The following CIDEC variants were observed in gnomAD, a reference collection of about 807,000 sequenced individuals.
CIDEC encodes lipid transferase CIDEC.
In CIDEC, 11 loss-of-function variants were observed where a neutral mutation model predicts 21.9. That is an observed-to-expected ratio of 0.50 (90% CI 0.32 to 0.83). CIDEC has a LOEUF of 0.83. CIDEC is among the 40% of genes least tolerant of loss of function. The pLI is 0.04. For synonymous variants in CIDEC, 127 were observed against 124.9 expected (o/e 1.02, Z -0.11); for missense variants, 302 against 302.3 (o/e 1.00, Z 0.01).
At chr3:9,874,742 T>A (rs571020584) in intron 4 of CIDEC, among the ~76,000 whole-genome samples, 11 of 152,024 alleles carry the variant, frequency 7.2e-5, no homozygotes, top group Non-Finnish European at 1.0e-4. Flanking sequence ...CTTTTTAAAA[T>A]TTTTTTTAAA....
chr3:9,870,561 T>G, intron 4 of CIDEC: 1 of 1,229,594 alleles, frequency 8.1e-7, no homozygotes, highest in African/African-American at 1.5e-5. Context: ...AAAGTTACCC[T>G]CTAAAAGTGT....
At position 9,878,561 on chromosome 3, in the gene CIDEC, ATC is replaced by A. The variant is rs546870625; in HGVS notation, c.-25-52_-25-51del. 111 of 1,518,072 alleles carry A rather than the reference ATC, an allele frequency of 7.3e-5. No individual in the cohort carries two copies. The African/African-American group carries it at 1.4e-3, about 19-fold the overall frequency. 94.0% of individuals were successfully genotyped at this position (1,518,072 alleles called of 1,614,324 possible). On this transcript the variant is annotated intron_variant, in intron 2 of 6. Coordinates refer to ENST00000336832, the MANE Select transcript of CIDEC (RefSeq NM_001321142.2). ...ATCAGGGTGAGATGAGAGGGTTCCC[ATC>A]TCTCTCATTGTTAGGCAAGGTGCAA...
intron 4 of CIDEC, among the ~76,000 whole-genome samples, chr3:9,872,817 G>A (rs770302656): frequency 2.0e-5 from 3 of 151,918 alleles, no homozygotes; most frequent in Admixed American, 1.3e-4. Context: ...GTGAAACCCC[G>A]TCTCTACTAA....
At chr3:9,871,154 T>C (rs1382301003) in intron 4 of CIDEC, among the ~76,000 whole-genome samples, 1 of 151,008 alleles carries the variant, frequency 6.6e-6, no homozygotes, top group Non-Finnish European at 1.5e-5. Flanking sequence ...TGCTGAGTCA[T>C]ACATTAACTC....
At chr3:9,874,518 A>AAATAAT (rs56760493) in intron 4 of CIDEC, among the ~76,000 whole-genome samples, 5,613 of 144,044 alleles carry the variant, frequency 0.039, 122 homozygotes, top group African/African-American at 0.051. Flanking sequence ...CCTTTCTCTA[A>AAATAAT]AATAATAATA....
At chr3:9,876,980 A>C in intron 4 of CIDEC, 86 bp downstream of exon 4, 2 of 1,172,924 alleles carry the variant, frequency 1.7e-6, no homozygotes, top group South Asian at 2.6e-5. Flanking sequence ...ATCAGAAAGG[A>C]AACTGTGCCA....
chr3:9,867,289 A>G lies in CIDEC; in HGVS notation c.562T>C (p.Phe188Leu), dbSNP rs1132701. 40 of 1,613,986 alleles carry G rather than the reference A, an allele frequency of 2.5e-5. No homozygotes were observed. The highest frequency in any genetic ancestry group is 6.7e-5 in the Admixed American group (4 of 60,006). Residue 188 changes from phenylalanine to leucine, a missense_variant, in exon 7 of 7, where the codon TTC (phenylalanine) becomes CTC (leucine). By Grantham distance (22) the Phe-to-Leu change is conservative. Transcript: ENST00000336832. ...CGAKRIMKEA[F>L]RWALFSMQAT... ...TGCATGCTGAAGAGGGCCCAGCGGA[A>G]AGCTTCCCTGGGTGGAATGAGAGGG...
At chr3:9,877,011 A>C (rs1363227875) in intron 4 of CIDEC, 55 bp downstream of exon 4, 1 of 1,466,052 alleles carries the variant, frequency 6.8e-7, no homozygotes, top group Non-Finnish European at 9.4e-7. Flanking sequence ...CCTGACCTCC[A>C]TCTCTGCTGA....
Position 9,878,471 on chromosome 3 carries a change from T to C in CIDEC, c.16A>G (p.Lys6Glu). MEYAM[K>E]SLSLLYPKSL... ...TTGGGGTAGAGAAGGCTAAGGGACTTCATGGCGTATTCCATCCTTGTCAGC... is the reference window on the plus strand; with the variant it reads ...TTGGGGTAGAGAAGGCTAAGGGACTCCATGGCGTATTCCATCCTTGTCAGC... Residue 6 changes from lysine to glutamate, a missense_variant, in exon 3 of 7, where the codon AAG becomes GAG. By Grantham distance (56) the Lys-to-Glu change is moderately conservative. Coordinates refer to ENST00000336832, the MANE Select transcript of CIDEC (RefSeq NM_001321142.2). 4 of 1,614,090 alleles carry C rather than the reference T, an allele frequency of 2.5e-6. No homozygotes were observed. Among genetic ancestry groups the C allele is most frequent in the Non-Finnish European group, 3.4e-6 (4 of 1,179,946 alleles).
At position 9,867,017 on chromosome 3, in the gene CIDEC, G is replaced by A. The variant is rs2125038620; in HGVS notation, c.*117C>T. Reference sequence around the variant, plus strand: ...CTCCTCACTCAGGGTCCTGCGCGGTGAGGGAGGTGTGGGGAGGTTCGCGGC... The same window carrying A: ...CTCCTCACTCAGGGTCCTGCGCGGTAAGGGAGGTGTGGGGAGGTTCGCGGC... On this transcript the variant is annotated 3_prime_UTR_variant, in exon 7 of 7. Coordinates refer to ENST00000336832, the MANE Select transcript of CIDEC (RefSeq NM_001321142.2). 4 of 1,122,202 alleles carry A rather than the reference G, an allele frequency of 3.6e-6. No homozygotes were observed. Among genetic ancestry groups the A allele is most frequent in the South Asian group, 2.5e-5 (2 of 81,368 alleles). The allele number at this position is 1,122,202 out of a possible 1,614,324, so 69.5% of individuals were successfully genotyped here.
At chr3:9,867,955 A>G (rs1457664176) in intron 6 of CIDEC, among the ~76,000 whole-genome samples, 1 of 152,114 alleles carries the variant, frequency 6.6e-6, no homozygotes, top group Non-Finnish European at 1.5e-5. Context: ...CATAATAAAT[A>G]AAAACAAGAG....
At position 9,867,383 on chromosome 3, in the gene CIDEC, G is replaced by T; in HGVS notation, c.555-87C>A. On this transcript the variant is annotated intron_variant, in intron 6 of 6. Coordinates refer to ENST00000336832, the MANE Select transcript of CIDEC (RefSeq NM_001321142.2). ...GCCTGTAATCCTAGCACTTTGGGAG[G>T]CCATGGAGGGCGGGTAACCTGAGGT... is the stretch of plus-strand genomic sequence containing the variant. 10 of 1,421,552 alleles carry T rather than the reference G, an allele frequency of 7.0e-6. No individual in the cohort carries two copies. In the South Asian group the frequency reaches 8.3e-5, roughly 12 times the overall value. The allele number at this position is 1,421,552 out of a possible 1,614,324, so 88.1% of individuals were successfully genotyped here.
At chr3:9,868,673 G>A (rs550052316) in intron 6 of CIDEC, among the ~76,000 whole-genome samples, 1 of 152,174 alleles carries the variant, frequency 6.6e-6, no homozygotes, top group Non-Finnish European at 1.5e-5. Context: ...TCAAAAATAA[G>A]TTTTAAGAAA....
intron 6 of CIDEC, among the ~76,000 whole-genome samples, chr3:9,868,187 C>G (rs1162920571): frequency 6.6e-6 from 1 of 152,144 alleles, no homozygotes; most frequent in Non-Finnish European, 1.5e-5. Context: ...ATGCCCGGAA[C>G]CTCCCTACTT....
chr3:9,867,040 G>T lies in CIDEC; in HGVS notation c.*94C>A. 2 of 1,396,798 alleles carry T rather than the reference G, an allele frequency of 1.4e-6. No individual in the cohort carries two copies. Among genetic ancestry groups the T allele is most frequent in the Non-Finnish European group, 2.0e-6 (2 of 983,740 alleles). The allele number at this position is 1,396,798 out of a possible 1,614,324, so 86.5% of individuals were successfully genotyped here. On this transcript the variant is annotated 3_prime_UTR_variant, in exon 7 of 7. Coordinates refer to ENST00000336832, the MANE Select transcript of CIDEC (RefSeq NM_001321142.2). The stretch of plus-strand genomic sequence containing the variant: ...GTGAGGGAGGTGTGGGGAGGTTCGC[G>T]GCTCTACAGCTGCCAGGCTTGTGGG...
In CIDEC at chr3:9,866,934, T is replaced by C. The variant is rs1333508393; in HGVS notation, c.*200A>G. ...CTGCCTTGGGCAGGAAGGAGCTGGA[T>C]CAGGCCAGGAGCTTGAGGTTCTCCT... On this transcript the variant is annotated 3_prime_UTR_variant, in exon 7 of 7. Coordinates refer to ENST00000336832, the MANE Select transcript of CIDEC (RefSeq NM_001321142.2). 9.8e-5 allele frequency: 66 copies of C among 671,918 alleles called. 1 individual carries two copies. The highest frequency in any genetic ancestry group is 6.6e-4 in the South Asian group (40 of 60,630). 41.6% of individuals were successfully genotyped at this position (671,918 alleles called of 1,614,324 possible). A position where few individuals can be genotyped will look rare whatever the true frequency, so the allele number is the denominator to read the frequency against.
At chr3:9,879,600 C>T (rs1259280293) in intron 1 of CIDEC, among the ~76,000 whole-genome samples, 1 of 152,198 alleles carries the variant, frequency 6.6e-6, no homozygotes, top group Non-Finnish European at 1.5e-5. Flanking sequence ...CATCTGTCAC[C>T]ACTTTTTCTC....
intron 3 of CIDEC, chr3:9,877,914 C>T (rs2082449784): frequency 6.0e-6 from 1 of 166,844 alleles, no homozygotes; most frequent in Admixed American, 5.5e-5. Context: ...CCTGTCTTGG[C>T]CTCACTCTCC....
intron 6 of CIDEC, among the ~76,000 whole-genome samples, chr3:9,867,970 C>T (rs964300935): frequency 6.6e-6 from 1 of 151,944 alleles, no homozygotes; most frequent in Non-Finnish European, 1.5e-5. Context: ...CAAGAGTGTA[C>T]CCCCTCCCTG....
Sources: gnomAD v4.1 joint callset for allele counts (sites outside exome capture counted in the v4.1 genomes callset) on GRCh38, gnomAD v4.1.1 for gene constraint, MANE v1.5 for transcripts, NCBI Gene and HGNC (gene_info 2026-07-23, HGNC 2026-07-21) for gene names.